FOXO1: variants seen among roughly 807,000 people sequenced by gnomAD.
The protein encoded by FOXO1 is forkhead box O1.
A neutral mutation model predicts 44.1 loss-of-function variants in FOXO1; 6 were observed. The ratio of observed to expected loss-of-function variants is 0.14; its 90% CI spans 0.07 to 0.27. FOXO1 has a LOEUF of 0.27. FOXO1 is among the 10% of genes least tolerant of loss of function. The probability of loss-of-function intolerance (pLI) is 1.00; values close to 1 mark genes in which losing one functional copy is unlikely to be tolerated. For missense variants in FOXO1, 737 were observed against 888.8 expected (o/e 0.83, Z 2.17); for synonymous variants, 380 against 362.7 (o/e 1.05, Z -0.54).
chr13:40,584,842 T>C (rs183056349), intron 1 of FOXO1, among the ~76,000 whole-genome samples: 200 of 152,364 alleles, frequency 1.3e-3, no homozygotes, highest in African/African-American at 4.6e-3. Context: ...ATGTTATGAT[T>C]CACTAGGTAT....
At chr13:40,632,658 AAG>A (rs777386248) in intron 1 of FOXO1, among the ~76,000 whole-genome samples, 41 of 151,680 alleles carry the variant, frequency 2.7e-4, no homozygotes, top group Non-Finnish European at 1.0e-4. Flanking sequence ...AAGAAAAAAA[AAG>A]AGCCGGGCAC....
intron 1 of FOXO1, among the ~76,000 whole-genome samples, chr13:40,615,668 A>C (rs1876400564): frequency 6.6e-6 from 1 of 152,206 alleles, no homozygotes; most frequent in Non-Finnish European, 1.5e-5. Context: ...TGAAAAGGTG[A>C]CATCTGAGTG....
At chr13:40,617,120 C>T (rs552071516) in intron 1 of FOXO1, among the ~76,000 whole-genome samples, 3 of 152,264 alleles carry the variant, frequency 2.0e-5, no homozygotes, top group East Asian at 3.9e-4. Flanking sequence ...AGAGAAATGA[C>T]AGTTTAGGGA....
In FOXO1 at chr13:40,556,464, A is replaced by G. The variant is rs916625312; in HGVS notation, c.*2585T>C. On this transcript the variant is annotated 3_prime_UTR_variant, in exon 3 of 3. Coordinates refer to ENST00000379561, the MANE Select transcript of FOXO1 (RefSeq NM_002015.4). ...AATAACAGTACAAACCAGAGAAAAT[A>G]AATCAAACAAGGCTGCATAGGTGAT... 1 of 152,690 alleles carries G rather than the reference A, an allele frequency of 6.5e-6. No homozygotes were observed. Among genetic ancestry groups the G allele is most frequent in the Non-Finnish European group, 1.5e-5 (1 of 68,040 alleles). 9.5% of individuals were successfully genotyped at this position (152,690 alleles called of 1,614,324 possible).
intron 1 of FOXO1, among the ~76,000 whole-genome samples, chr13:40,617,157 G>A (rs1257100903): frequency 6.6e-6 from 1 of 152,196 alleles, no homozygotes; most frequent in African/African-American, 2.4e-5. Context: ...CAATAACAAA[G>A]GTGAAAGGCC....
chr13:40,563,333 TCTCA>T (rs775983269), intron 1 of FOXO1, among the ~76,000 whole-genome samples: 1 of 151,720 alleles, frequency 6.6e-6, no homozygotes, highest in Non-Finnish European at 1.5e-5. Context: ...AATGGAGGGG[TCTCA>T]CTTTCTAAAG....
At chr13:40,601,878 AG>A in intron 1 of FOXO1, among the ~76,000 whole-genome samples, 1 of 152,366 alleles carries the variant, frequency 6.6e-6, no homozygotes, top group African/African-American at 2.4e-5. Flanking sequence ...TTTAAAAAAT[AG>A]AATTGTATCT....
intron 1 of FOXO1, among the ~76,000 whole-genome samples, chr13:40,625,698 T>C (rs990096260): frequency 6.6e-6 from 1 of 152,036 alleles, no homozygotes; most frequent in Non-Finnish European, 1.5e-5. Flanking sequence ...AGGGTGGGAA[T>C]GTGATTATAT....
chr13:40,611,111 G>C (rs1397508152), intron 1 of FOXO1: 1 of 450,018 alleles, frequency 2.2e-6, no homozygotes, highest in Non-Finnish European at 4.5e-6. Flanking sequence ...CTGCACATAG[G>C]CTGTAAAACT....
intron 1 of FOXO1, among the ~76,000 whole-genome samples, chr13:40,610,098 A>G (rs1167215576): frequency 2.0e-5 from 3 of 152,172 alleles, no homozygotes; most frequent in Admixed American, 6.5e-5. Flanking sequence ...GTAATTTAAT[A>G]TTATGTACCC....
chr13:40,582,152 ATT>A (rs1026880570), intron 1 of FOXO1, among the ~76,000 whole-genome samples: 10 of 152,320 alleles, frequency 6.6e-5, no homozygotes, highest in Admixed American at 5.2e-4. Flanking sequence ...GTAAAAACAA[ATT>A]TTTGTTTCCC....
rs561326836 is a variant in FOXO1 at position 40,622,538 on chromosome 13, G to A, written c.630+43045C>T. ...AACTTTGAAATGATAGCTCACTGAAGGAGTTTCTTTTCTAGCAAAAGGCAA... is the reference window on the plus strand; with the variant it reads ...AACTTTGAAATGATAGCTCACTGAAAGAGTTTCTTTTCTAGCAAAAGGCAA... On this transcript the variant is annotated intron_variant, in intron 1 of 2. Transcript: ENST00000379561. 2.0e-5 allele frequency among the ~76,000 whole-genome samples: 3 copies of A among 152,246 alleles called. No homozygotes were observed. In the South Asian group the frequency reaches 6.2e-4, roughly 32 times the overall value.
At chr13:40,582,720 CT>C (rs1875004651) in intron 1 of FOXO1, among the ~76,000 whole-genome samples, 1 of 152,180 alleles carries the variant, frequency 6.6e-6, no homozygotes, top group Non-Finnish European at 1.5e-5. Flanking sequence ...CATCTTCAGG[CT>C]CCACTTCTAA....
intron 1 of FOXO1, among the ~76,000 whole-genome samples, chr13:40,590,988 AC>A (rs1219019548): frequency 1.3e-5 from 2 of 152,028 alleles, no homozygotes; most frequent in Non-Finnish European, 2.9e-5. Flanking sequence ...AAAAAGAAAA[AC>A]ACAATGCTCA....
chr13:40,665,923 GCCGCCGCCA>G lies in FOXO1; in HGVS notation c.281_289del (p.Val94_Ala96del). Reference sequence around the variant, plus strand: ...CCCCCCGGTGGCGGCCGCGGCGGCCGCCGCCGCCACCGCCGCCGCCACGGAGCCGGGCGC... The same window carrying G: ...CCCCCCGGTGGCGGCCGCGGCGGCCGCCGCCGCCGCCACGGAGCCGGGCGC... On this transcript the variant is annotated inframe_deletion, in exon 1 of 3. Coordinates refer to ENST00000379561, the MANE Select transcript of FOXO1 (RefSeq NM_002015.4). 6.6e-6 allele frequency: 8 copies of G among 1,203,020 alleles called. No individual in the cohort carries two copies. The highest frequency in any genetic ancestry group is 7.2e-6 in the Non-Finnish European group (7 of 972,448). 74.5% of individuals were successfully genotyped at this position (1,203,020 alleles called of 1,614,324 possible).
In FOXO1 at chr13:40,560,710, T is replaced by C. The variant is rs776765713; in HGVS notation, c.781A>G (p.Ser261Gly). Reference sequence around the variant, plus strand: ...CGGCTTCGGCTCTTAGCAAATTTACTGTTGTTGTCCATGGATGCAGCTCTT... The same window carrying C: ...CGGCTTCGGCTCTTAGCAAATTTACCGTTGTTGTCCATGGATGCAGCTCTT... ...RRRAASMDNN[S>G]KFAKSRSRAA... Residue 261 changes from serine to glycine, a missense_variant, in exon 2 of 3, where the codon AGT (serine) becomes GGT (glycine). By Grantham distance (56) the Ser-to-Gly change is moderately conservative. Around this residue, in one of 7 missense-constraint regions of FOXO1, gnomAD observed 136 missense variants for 186.4 expected, o/e 0.73. Transcript: ENST00000379561. The surrounding 1 kb of genome is among the most constrained non-coding windows in gnomAD (Gnocchi z 5.1). 1.9e-6 allele frequency: 3 copies of C among 1,614,238 alleles called. No homozygotes were observed. The highest frequency in any genetic ancestry group is 2.2e-5 in the South Asian group (2 of 91,086).
intron 1 of FOXO1, among the ~76,000 whole-genome samples, chr13:40,656,318 T>A (rs990913445): frequency 2.0e-5 from 3 of 152,218 alleles, no homozygotes; most frequent in Non-Finnish European, 4.4e-5. Flanking sequence ...CAAGCCAATA[T>A]AACCTTCCCT....
chr13:40,567,967 TAAA>T (rs57290980), intron 1 of FOXO1, among the ~76,000 whole-genome samples: 1 of 148,364 alleles, frequency 6.7e-6, no homozygotes, highest in South Asian at 2.1e-4. Context: ...GACTCCGTCT[TAAA>T]AAAAAAAAAT....
In FOXO1 at chr13:40,577,721, G is replaced by A. The variant is rs531957842; in HGVS notation, c.631-16861C>T. Among the ~76,000 whole-genome samples the A allele has an allele frequency of 7.2e-5, 11 of 152,074 alleles. No homozygotes were observed. The South Asian group carries it at 2.3e-3, about 32-fold the overall frequency. On this transcript the variant is annotated intron_variant, in intron 1 of 2. Coordinates refer to ENST00000379561, the MANE Select transcript of FOXO1 (RefSeq NM_002015.4). ...CCATTAATCTAAAGTTTTTGTCGTC[G>A]GGATTTAAAAATATTATACATGAAC...
Sources: gnomAD v4.1 joint callset for allele counts (sites outside exome capture counted in the v4.1 genomes callset) on GRCh38, gnomAD v4.1.1 for gene constraint, gnomAD v4.1.1 regional missense constraint, Gnocchi (gnomAD v3.1) non-coding constraint, MANE v1.5 for transcripts, NCBI Gene and HGNC (gene_info 2026-07-23, HGNC 2026-07-21) for gene names.